Variants in FYB2 observed in about 807,000 individuals in gnomAD.
The protein encoded by FYB2 is FYN-binding protein 2.
In FYB2, 103 loss-of-function variants were observed where a neutral mutation model predicts 94.1. That is an observed-to-expected ratio of 1.09 (90% CI 0.93 to 1.29). The LOEUF is 1.29. Ranked by LOEUF, FYB2 falls within the 50% of genes most tolerant of loss-of-function variation. The pLI is 0.00. For missense variants in FYB2, 896 were observed against 841.5 expected (o/e 1.06, Z -0.80); for synonymous variants, 293 against 287.9 (o/e 1.02, Z -0.18).
intron 9 of FYB2, among the ~76,000 whole-genome samples, chr1:56,744,829 T>C (rs916852990): frequency 2.6e-5 from 4 of 152,062 alleles, no homozygotes; most frequent in African/African-American, 9.7e-5. Context: ...CACAGAGTTG[T>C]AAACTTGTCA....
At chr1:56,740,640 C>A in intron 13 of FYB2, 57 bp downstream of exon 13, 1 of 1,036,094 alleles carries the variant, frequency 9.7e-7, no homozygotes. Flanking sequence ...AGAACATCAA[C>A]TTGTGTATCT....
chr1:56,783,785 C>A (rs1557644971), intron 4 of FYB2, among the ~76,000 whole-genome samples: 1 of 152,140 alleles, frequency 6.6e-6, no homozygotes, highest in South Asian at 2.1e-4. Flanking sequence ...AGTGGATGCT[C>A]AATAAATACA....
upstream of FYB2, among the ~76,000 whole-genome samples, chr1:56,823,171 G>C (rs976252620): frequency 3.3e-5 from 5 of 152,136 alleles, no homozygotes; most frequent in Non-Finnish European, 7.4e-5. Context: ...GCTCAGAAAG[G>C]TTAGGCAGAT....
Position 56,751,406 on chromosome 1 carries a change from C to T in FYB2, c.1228-203G>A, listed in dbSNP as rs572331259. ...TTACCTCTGAATGTTCAATGAATGC[C>T]TGGCACAGAGGCAGCTCACAGGAAG... On this transcript the variant is annotated intron_variant, in intron 8 of 19. Transcript: ENST00000343433. Among the ~76,000 whole-genome samples, 5 of 152,108 alleles carry T rather than the reference C, an allele frequency of 3.3e-5. No individual in the cohort carries two copies. In the South Asian group the frequency reaches 1.0e-3, roughly 32 times the overall value.
chr1:56,757,979 A>G (rs930222037), intron 6 of FYB2, among the ~76,000 whole-genome samples: 2 of 147,420 alleles, frequency 1.4e-5, no homozygotes, highest in African/African-American at 5.0e-5. Flanking sequence ...GTATTTCACC[A>G]TGTTGCCCAG....
chr1:56,754,182 T>C (rs1310305401), intron 7 of FYB2, among the ~76,000 whole-genome samples: 1 of 152,052 alleles, frequency 6.6e-6, no homozygotes, highest in Non-Finnish European at 1.5e-5. Flanking sequence ...GCCTATAGGA[T>C]AAAACTTAAG....
At chr1:56,802,127 C>T (rs1646536109) in intron 1 of FYB2, among the ~76,000 whole-genome samples, 2 of 152,180 alleles carry the variant, frequency 1.3e-5, no homozygotes, top group Non-Finnish European at 2.9e-5. Flanking sequence ...TCATGTAAGG[C>T]ACTGCTTTCC....
intron 1 of FYB2, among the ~76,000 whole-genome samples, chr1:56,808,199 A>G (rs1446035249): frequency 1.3e-5 from 2 of 152,112 alleles, no homozygotes; most frequent in African/African-American, 4.8e-5. Flanking sequence ...AGATGAAGAA[A>G]TTAAAGCTGG....
chr1:56,821,798 T>C (rs1003642811), upstream of FYB2, among the ~76,000 whole-genome samples: 3 of 152,222 alleles, frequency 2.0e-5, no homozygotes, highest in African/African-American at 7.2e-5. Context: ...GGCAGATCCT[T>C]GTATTCATTT....
At chr1:56,822,739 C>T (rs1468633134), upstream of FYB2, among the ~76,000 whole-genome samples, 3 of 46,774 alleles carry the variant, frequency 6.4e-5, no homozygotes, top group Admixed American at 3.4e-4. Flanking sequence ...AAACAGAATA[C>T]CCCGATGTAA....
At chr1:56,763,599 C>T (rs963203087) in intron 5 of FYB2, among the ~76,000 whole-genome samples, 4 of 151,998 alleles carry the variant, frequency 2.6e-5, no homozygotes, top group African/African-American at 9.7e-5. Flanking sequence ...TAATGATATC[C>T]CTGCTTCAGT....
intron 15 of FYB2, among the ~76,000 whole-genome samples, chr1:56,729,309 C>T (rs199679346): frequency 6.6e-6 from 1 of 151,840 alleles, no homozygotes; most frequent in Non-Finnish European, 1.5e-5. Flanking sequence ...TGTGGCTGTG[C>T]ATTGGGGATG....
In FYB2 at chr1:56,752,439, A is replaced by G. The variant is rs75315519; in HGVS notation, c.1228-1236T>C. 1.6e-3 allele frequency among the ~76,000 whole-genome samples: 249 copies of G among 152,208 alleles called. 2 individuals are homozygous for G. Among genetic ancestry groups the G allele is most frequent in the African/African-American group, 5.9e-3 (244 of 41,558 alleles). On this transcript the variant is annotated intron_variant, in intron 8 of 19. Transcript: ENST00000343433. ...AGATGAGGATTGACTATGATAATAC[A>G]TTTGAAAGTACTTGGGAAAAGCTAA...
chr1:56,753,874 T>C lies in FYB2; in HGVS notation c.1192A>G (p.Thr398Ala). 1 of 1,611,378 alleles carries C rather than the reference T, an allele frequency of 6.2e-7. No individual in the cohort carries two copies. Among genetic ancestry groups the C allele is most frequent in the Non-Finnish European group, 8.5e-7 (1 of 1,177,944 alleles). The change falls in exon 8 of 20, where the codon ACA (threonine) becomes GCA (alanine). Residue 398 changes from threonine to alanine, a missense_variant. Transcript: ENST00000343433. The part of the protein sequence containing the change: ...KQPCELKPKN[T>A]EKEPYSNHVF... ...TGGTTTGAATATGGTTCCTTTTCTG[T>C]GTTTTTAGGTTTCAATTCACATGGT... is the stretch of plus-strand genomic sequence containing the variant.
chr1:56,753,863 T>C lies in FYB2; in HGVS notation c.1203A>G (p.Glu401=). The change falls in exon 8 of 20, where the codon GAA becomes GAG. Residue 401 remains glutamate (E), a synonymous_variant. Coordinates refer to ENST00000343433, the MANE Select transcript of FYB2 (RefSeq NM_001004303.5). ...CCTTGAAAACATGGTTTGAATATGGTTCCTTTTCTGTGTTTTTAGGTTTCA... is the reference window on the plus strand; with the variant it reads ...CCTTGAAAACATGGTTTGAATATGGCTCCTTTTCTGTGTTTTTAGGTTTCA... ...CELKPKNTEK[E]PYSNHVFKVD... 1.2e-6 allele frequency: 2 copies of C among 1,610,168 alleles called. No individual in the cohort carries two copies. Among genetic ancestry groups the C allele is most frequent in the South Asian group, 1.1e-5 (1 of 91,006 alleles).
At chr1:56,766,569 G>T (rs1164223626) in intron 5 of FYB2, among the ~76,000 whole-genome samples, 1 of 152,052 alleles carries the variant, frequency 6.6e-6, no homozygotes. Context: ...GAGTAGCTGG[G>T]ACCACAGTCT....
At chr1:56,760,983 C>G (rs1183975336) in intron 5 of FYB2, among the ~76,000 whole-genome samples, 1 of 152,114 alleles carries the variant, frequency 6.6e-6, no homozygotes. Context: ...TCAGAGTCCT[C>G]GCTTACTTTC....
upstream of FYB2, chr1:56,819,766 C>T (rs1340382555): frequency 2.2e-5 from 4 of 178,122 alleles, no homozygotes; most frequent in East Asian, 6.2e-4. Flanking sequence ...CTGCAGACGG[C>T]TACTTAATTT....
chr1:56,751,325 T>C (rs1645193403), intron 8 of FYB2, 122 bp from the exon 9 acceptor site: 1 of 1,068,528 alleles, frequency 9.4e-7, no homozygotes, highest in Non-Finnish European at 1.3e-6. Context: ...TTATTTAACA[T>C]TGAATAATAT....
Sources: allele counts gnomAD v4.1 joint callset (sites outside exome capture counted in the v4.1 genomes callset), GRCh38; gene constraint gnomAD v4.1.1; transcripts MANE v1.5; gene names NCBI Gene and HGNC (gene_info 2026-07-23, HGNC 2026-07-21).